Variants in TMPRSS2 observed in about 807,000 individuals in gnomAD.
TMPRSS2 encodes the protein transmembrane serine protease 2.
A neutral mutation model predicts 67.4 loss-of-function variants in TMPRSS2; 59 were observed. That is an observed-to-expected ratio of 0.88 (90% confidence interval 0.71 to 1.09). The LOEUF is 1.09. TMPRSS2 is among the 50% of genes least tolerant of loss of function. The pLI is 0.00. For synonymous variants in TMPRSS2, 257 were observed against 257.0 expected (o/e 1.00, Z 0.00); for missense variants, 668 against 642.7 (o/e 1.04, Z -0.43).
At chr21:41,494,790 G>A (rs1268790779) in intron 2 of TMPRSS2, 1 of 640,584 alleles carries the variant, frequency 1.6e-6, no homozygotes, top group Non-Finnish European at 2.7e-6. Flanking sequence ...GTACTACAAG[G>A]CTGGGTGCGG....
At chr21:41,469,994 C>T (rs1032514087) in intron 11 of TMPRSS2, among the ~76,000 whole-genome samples, 1 of 152,172 alleles carries the variant, frequency 6.6e-6, no homozygotes, top group African/African-American at 2.4e-5. Flanking sequence ...TGACGCTCCC[C>T]AGAAATCACC....
chr21:41,503,534 G>T (rs530584676), intron 1 of TMPRSS2, among the ~76,000 whole-genome samples: 3 of 152,340 alleles, frequency 2.0e-5, no homozygotes, highest in African/African-American at 7.2e-5. Context: ...AGCCGGCTAT[G>T]TGGAAAAGGA....
At chr21:41,477,220 G>A (rs979884846) in intron 7 of TMPRSS2, among the ~76,000 whole-genome samples, 3 of 152,180 alleles carry the variant, frequency 2.0e-5, no homozygotes, top group Non-Finnish European at 2.9e-5. Flanking sequence ...TAGCTGGGCC[G>A]TGTGCTCTGC....
Position 41,495,940 on chromosome 21 carries a change from T to C in TMPRSS2, c.16-1362A>G, listed in dbSNP as rs1245107738. On this transcript the variant is annotated intron_variant, in intron 2 of 13. Transcript: ENST00000332149. ...TAAAAAAAAAAAAAAGTGGCAGACA[T>C]TGGGATTTAGTAAAATATAGTAATA... is the stretch of plus-strand genomic sequence containing the variant. Among the ~76,000 whole-genome samples, 4 of 151,494 alleles carry C rather than the reference T, an allele frequency of 2.6e-5. No homozygotes were observed. The South Asian group carries it at 8.3e-4, about 31-fold the overall frequency.
At chr21:41,491,862 C>T (rs1013017585) in intron 3 of TMPRSS2, among the ~76,000 whole-genome samples, 13 of 152,192 alleles carry the variant, frequency 8.5e-5, no homozygotes, top group Non-Finnish European at 1.9e-4. Context: ...TGGCTTGTCA[C>T]GGCTGCTGTT....
At chr21:41,494,638 T>C (rs1186534176) in intron 2 of TMPRSS2, 60 bp from the exon 3 acceptor site, 52 of 1,439,556 alleles carry the variant, frequency 3.6e-5, no homozygotes, top group Admixed American at 2.6e-4. Context: ...AAGGGTTACA[T>C]ACAAACTATC....
At chr21:41,471,776 A>T (rs370478006) in intron 10 of TMPRSS2, 30 bp downstream of exon 10, 1 of 1,561,000 alleles carries the variant, frequency 6.4e-7, no homozygotes, top group South Asian at 1.2e-5. Flanking sequence ...GATTCTGCCA[A>T]CCTGCTTGCC....
chr21:41,465,122 T>C lies in TMPRSS2; in HGVS notation c.*1020A>G, dbSNP rs1379620788. On this transcript the variant is annotated 3_prime_UTR_variant, in exon 14 of 14. Coordinates refer to ENST00000332149, the MANE Select transcript of TMPRSS2 (RefSeq NM_005656.4). The stretch of plus-strand genomic sequence containing the variant: ...AGTCATTTTGTCAAAGCAGCTGAAA[T>C]AGGCCACCACTCTTACTTGGCAAAG... 1.7e-5 allele frequency: 4 copies of C among 233,626 alleles called. No individual in the cohort carries two copies. The highest frequency in any genetic ancestry group is 2.5e-5 in the Non-Finnish European group (3 of 118,072). 14.5% of individuals were successfully genotyped at this position (233,626 alleles called of 1,614,324 possible). A position where few individuals can be genotyped will look rare whatever the true frequency, so the allele number is the denominator to read the frequency against.
intron 1 of TMPRSS2, chr21:41,502,670 T>C (rs1025430136): frequency 2.0e-5 from 16 of 819,820 alleles, no homozygotes; most frequent in Non-Finnish European, 2.2e-5. Flanking sequence ...ACAGTGGATT[T>C]CAGTGGCTGT....
Position 41,465,370 on chromosome 21 carries a change from G to A in TMPRSS2, c.*772C>T, listed in dbSNP as rs2091075370. On this transcript the variant is annotated 3_prime_UTR_variant, in exon 14 of 14. Transcript: ENST00000332149. ...CTTGGCGCCCTGCCAGGACCAAGGG[G>A]CATGTGCACTCTCCAGGGTGCTAGG... 8.6e-6 allele frequency: 2 copies of A among 233,728 alleles called. No individual in the cohort carries two copies. The highest frequency in any genetic ancestry group is 1.2e-4 in the East Asian group (2 of 16,574). The allele number at this position is 233,728 out of a possible 1,614,324, so 14.5% of individuals were successfully genotyped here.
At position 41,498,200 on chromosome 21, in the gene TMPRSS2, G is replaced by C; in HGVS notation, c.-56-11C>G. On this transcript the variant is annotated splice_polypyrimidine_tract_variant and intron_variant, in intron 1 of 13. Coordinates refer to ENST00000332149, the MANE Select transcript of TMPRSS2 (RefSeq NM_005656.4). ...AATGTTCAATATGACCTAGAAGAAA[G>C]AATTACAGGACTGTAATATTTCCAT... 6.3e-7 allele frequency: 1 copy of C among 1,577,210 alleles called. No individual in the cohort carries two copies. The highest frequency in any genetic ancestry group is 1.3e-5 in the African/African-American group (1 of 74,158).
At chr21:41,506,217 G>A (rs1449829245) in intron 1 of TMPRSS2, among the ~76,000 whole-genome samples, 1 of 152,228 alleles carries the variant, frequency 6.6e-6, no homozygotes, top group Non-Finnish European at 1.5e-5. Context: ...GTTGTTAGAA[G>A]GTTGTCCTTG....
chr21:41,501,473 A>G (rs1003304387), intron 1 of TMPRSS2, among the ~76,000 whole-genome samples: 2 of 151,974 alleles, frequency 1.3e-5, no homozygotes, highest in Non-Finnish European at 2.9e-5. Flanking sequence ...GCTGGGTATG[A>G]TGGTGGGTGC....
intron 5 of TMPRSS2, chr21:41,487,028 C>G (rs547082861): frequency 6.6e-6 from 1 of 152,318 alleles, no homozygotes; most frequent in East Asian, 1.9e-4. Context: ...CCAGCAATCT[C>G]ACTGCTGGGT....
At chr21:41,507,464 C>T (rs1335474499) in intron 1 of TMPRSS2, among the ~76,000 whole-genome samples, 1 of 152,196 alleles carries the variant, frequency 6.6e-6, no homozygotes, top group Non-Finnish European at 1.5e-5. Flanking sequence ...CCGAGACTGA[C>T]TGGCCGTTCG....
In TMPRSS2 at chr21:41,467,834, A is replaced by T. The variant is rs1449156557; in HGVS notation, c.1367T>A (p.Ile456Lys). The T allele has an allele frequency of 1.2e-6, 2 of 1,614,190 alleles. No homozygotes were observed. Among genetic ancestry groups the T allele is most frequent in the South Asian group, 2.2e-5 (2 of 91,074 alleles). The change falls in exon 13 of 14, where the codon ATA (isoleucine) becomes AAA (lysine). Residue 456 changes from isoleucine (I) to lysine (K), a missense_variant. Ile to Lys is a moderately radical substitution (Grantham distance 102). Transcript: ENST00000332149. ...GCCAGAACCCCAGCTTGTATCCCCT[A>T]TCAGCCACCAGATATTGTTCTTCGA... ...VTSKNNIWWL[I>K]GDTSWGSGCA...
At position 41,476,528 on chromosome 21, in the gene TMPRSS2, A is replaced by T. The variant is rs1358413895; in HGVS notation, c.727+49T>A. ...AGGGAGTACTGTTCTGAAAGTAGAG[A>T]GCTTTTCCTAGTTAGAAGTATCAAA... is the stretch of plus-strand genomic sequence containing the variant. On this transcript the variant is annotated intron_variant, in intron 8 of 13. Coordinates refer to ENST00000332149, the MANE Select transcript of TMPRSS2 (RefSeq NM_005656.4). 5 of 1,571,164 alleles carry T rather than the reference A, an allele frequency of 3.2e-6. No individual in the cohort carries two copies. In the East Asian group the frequency reaches 8.9e-5, roughly 28 times the overall value.
At chr21:41,470,818 G>A (rs2091127181) in intron 10 of TMPRSS2, 75 bp from the exon 11 acceptor site, 2 of 1,272,554 alleles carry the variant, frequency 1.6e-6, no homozygotes, top group Non-Finnish European at 2.2e-6. Context: ...CCACATGCAG[G>A]CTGCTGGGCC....
At chr21:41,494,240 A>T in intron 3 of TMPRSS2, 116 bp downstream of exon 3, 1 of 1,092,684 alleles carries the variant, frequency 9.2e-7, no homozygotes, top group Non-Finnish European at 1.3e-6. Context: ...AAGACGGAGG[A>T]GAAGGGTCAG....
Sources: allele counts gnomAD v4.1 joint callset (sites outside exome capture counted in the v4.1 genomes callset), GRCh38; gene constraint gnomAD v4.1.1; transcripts MANE v1.5; gene names NCBI Gene and HGNC (gene_info 2026-07-23, HGNC 2026-07-21).